CORIN: variants seen among roughly 807,000 people sequenced by gnomAD.
CORIN encodes corin, serine peptidase.
In CORIN, 117 loss-of-function variants were observed where a neutral mutation model predicts 125.3. The observed-to-expected ratio is 0.93, with a 90% confidence interval of 0.80 to 1.09. CORIN has a LOEUF of 1.09. Ranked by LOEUF, CORIN falls within the 50% of genes least tolerant of loss-of-function variation. The probability of loss-of-function intolerance (pLI) is 0.00; values close to 1 mark genes in which losing one functional copy is unlikely to be tolerated. For missense variants in CORIN, 1,253 were observed against 1,306.7 expected (o/e 0.96, Z 0.63); for synonymous variants, 450 against 466.4 (o/e 0.96, Z 0.45).
At chr4:47,656,715 T>G (rs1724001082) in intron 12 of CORIN, among the ~76,000 whole-genome samples, 1 of 152,118 alleles carries the variant, frequency 6.6e-6, no homozygotes, top group Non-Finnish European at 1.5e-5. Context: ...ATCTCCAAGA[T>G]CTGGAACATG....
chr4:47,821,707 C>G (rs190205442), intron 1 of CORIN, among the ~76,000 whole-genome samples: 3 of 152,106 alleles, frequency 2.0e-5, no homozygotes, highest in Non-Finnish European at 4.4e-5. Flanking sequence ...ATGATTGTCT[C>G]ATTTCTTCCC....
At chr4:47,608,330 A>C (rs1433210768) in intron 19 of CORIN, among the ~76,000 whole-genome samples, 1 of 152,204 alleles carries the variant, frequency 6.6e-6, no homozygotes, top group Non-Finnish European at 1.5e-5. Flanking sequence ...CCAAAGAAAA[A>C]AAAAGAGCTA....
At chr4:47,795,303 A>C (rs1475331911) in intron 2 of CORIN, among the ~76,000 whole-genome samples, 1 of 151,994 alleles carries the variant, frequency 6.6e-6, no homozygotes, top group African/African-American at 2.4e-5. Context: ...GAATTTTAGG[A>C]TTGTTTTATC....
In CORIN at chr4:47,721,058, AT is replaced by A. The variant is rs529451764; in HGVS notation, c.799+23343del. The stretch of plus-strand genomic sequence containing the variant: ...CTTAAACAAGAAACATTTATTTTTC[AT>A]AGTTCTGGAAGGTGGAAGTCCAGGA... On this transcript the variant is annotated intron_variant, in intron 5 of 21. Transcript: ENST00000273857. Among the ~76,000 whole-genome samples, 10 of 152,296 alleles carry A rather than the reference AT, an allele frequency of 6.6e-5. No individual in the cohort carries two copies. The South Asian group carries it at 1.9e-3, about 28-fold the overall frequency.
intron 5 of CORIN, among the ~76,000 whole-genome samples, chr4:47,714,627 GT>G (rs71199995): frequency 0.098 from 14,964 of 152,236 alleles, 866 homozygotes; most frequent in East Asian, 0.27. Context: ...GATGCATACA[GT>G]TTCTGTTACA....
intron 17 of CORIN, 25 bp from the exon 18 acceptor site, chr4:47,623,973 AT>A: frequency 6.3e-7 from 1 of 1,598,376 alleles, no homozygotes; most frequent in Non-Finnish European, 8.6e-7. Flanking sequence ...ATAAAATGGT[AT>A]AACATTAAGT....
intron 5 of CORIN, among the ~76,000 whole-genome samples, chr4:47,695,475 C>T (rs997786833): frequency 5.9e-5 from 9 of 152,200 alleles, no homozygotes; most frequent in Admixed American, 4.6e-4. Context: ...CCAGTAAAGC[C>T]ATTTCTTGCA....
At chr4:47,632,774 TAGTTA>T (rs1722885786) in intron 16 of CORIN, among the ~76,000 whole-genome samples, 12 of 124,390 alleles carry the variant, frequency 9.6e-5, no homozygotes, top group African/African-American at 1.5e-4. Flanking sequence ...TAGAGATAGA[TAGTTA>T]GATAGATTTT....
chr4:47,770,029 A>G (rs372973795), intron 3 of CORIN, among the ~76,000 whole-genome samples: 1 of 152,136 alleles, frequency 6.6e-6, no homozygotes, highest in Non-Finnish European at 1.5e-5. Flanking sequence ...ACATCAAACT[A>G]AAAAGCTTCT....
chr4:47,637,657 A>G (rs561129802), intron 16 of CORIN, among the ~76,000 whole-genome samples: 2 of 152,358 alleles, frequency 1.3e-5, no homozygotes, highest in East Asian at 3.9e-4. Flanking sequence ...AGTGCACAGA[A>G]GTCAGGAATT....
At chr4:47,605,213 T>C (rs777406327) in intron 19 of CORIN, among the ~76,000 whole-genome samples, 1 of 152,168 alleles carries the variant, frequency 6.6e-6, no homozygotes, top group Non-Finnish European at 1.5e-5. Context: ...TACTATCCAT[T>C]GATATCAATG....
chr4:47,766,798 T>C (rs1449648440), intron 3 of CORIN, among the ~76,000 whole-genome samples: 2 of 151,292 alleles, frequency 1.3e-5, no homozygotes, highest in African/African-American at 2.4e-5. Context: ...ATACAAAAAT[T>C]AGCCGGGTGT....
intron 19 of CORIN, among the ~76,000 whole-genome samples, chr4:47,607,663 C>G (rs577472625): frequency 6.6e-6 from 1 of 152,248 alleles, no homozygotes; most frequent in African/African-American, 2.4e-5. Context: ...ATTGTTACAT[C>G]AAGCAAGTGC....
intron 16 of CORIN, among the ~76,000 whole-genome samples, chr4:47,632,940 C>T (rs891226478): frequency 5.9e-5 from 9 of 152,062 alleles, no homozygotes; most frequent in Admixed American, 2.6e-4. Flanking sequence ...GCGACCACGC[C>T]CGGCTAATTT....
chr4:47,676,902 T>A (rs1278083360), intron 9 of CORIN, among the ~76,000 whole-genome samples: 2 of 152,230 alleles, frequency 1.3e-5, no homozygotes, highest in Non-Finnish European at 1.5e-5. Flanking sequence ...TCATTCTGAA[T>A]TTAAAAACTG....
intron 19 of CORIN, among the ~76,000 whole-genome samples, chr4:47,611,578 CCTTT>C (rs1015307069): frequency 5.3e-5 from 8 of 152,118 alleles, no homozygotes; most frequent in African/African-American, 1.2e-4. Flanking sequence ...ATTTGAATAT[CCTTT>C]CTTTCTTTCT....
intron 5 of CORIN, chr4:47,706,764 A>G: frequency 6.3e-7 from 1 of 1,599,586 alleles, no homozygotes; most frequent in Non-Finnish European, 8.5e-7. Flanking sequence ...AAATTTTTTG[A>G]GGTTATCCTC....
chr4:47,833,057 G>T (rs1560569889), intron 1 of CORIN, among the ~76,000 whole-genome samples: 1 of 151,870 alleles, frequency 6.6e-6, no homozygotes, highest in Non-Finnish European at 1.5e-5. Context: ...CCAAGTCTAG[G>T]ATGAGACTGG....
intron 3 of CORIN, among the ~76,000 whole-genome samples, chr4:47,767,452 G>C (rs778190648): frequency 1.3e-5 from 2 of 152,078 alleles, no homozygotes; most frequent in Non-Finnish European, 2.9e-5. Context: ...TGGTACCACA[G>C]ATAAGGTTAA....
Sources: gnomAD v4.1 joint callset for allele counts (sites outside exome capture counted in the v4.1 genomes callset) on GRCh38, gnomAD v4.1.1 for gene constraint, MANE v1.5 for transcripts, NCBI Gene and HGNC (gene_info 2026-07-23, HGNC 2026-07-21) for gene names.